The following CFAP221 variants were observed in gnomAD, a reference collection of about 807,000 sequenced individuals.
The protein encoded by CFAP221 is cilia and flagella associated protein 221.
In CFAP221, 97 loss-of-function variants were observed where a neutral mutation model predicts 113.1. The observed-to-expected ratio is 0.86, with a 90% CI of 0.73 to 1.02. The LOEUF (loss-of-function observed/expected upper bound fraction) is 1.02. Ranked by LOEUF, CFAP221 falls within the 50% of genes least tolerant of loss-of-function variation. The pLI is 0.00. For missense variants in CFAP221, 1,025 were observed against 1,013.4 expected (o/e 1.01, Z -0.16); for synonymous variants, 331 against 354.4 (o/e 0.93, Z 0.74).
At chr2:119,581,161 A>G (rs891878648) in intron 6 of CFAP221, among the ~76,000 whole-genome samples, 4 of 152,234 alleles carry the variant, frequency 2.6e-5, no homozygotes, top group Admixed American at 6.5e-5. Context: ...TGCAAATCCA[A>G]ATTCCAAAAC....
At chr2:119,579,789 G>T (rs1252647964) in intron 6 of CFAP221, among the ~76,000 whole-genome samples, 1 of 152,168 alleles carries the variant, frequency 6.6e-6, no homozygotes. Flanking sequence ...TGTAACAAAT[G>T]GGAAAAGCTC....
chr2:119,620,059 T>G (rs1027140606), intron 14 of CFAP221, among the ~76,000 whole-genome samples: 1 of 151,830 alleles, frequency 6.6e-6, no homozygotes, highest in Non-Finnish European at 1.5e-5. Context: ...TGAAAAGGAA[T>G]GAACAAAGCC....
chr2:119,649,282 G>A (rs543955684), intron 22 of CFAP221, among the ~76,000 whole-genome samples: 11 of 152,214 alleles, frequency 7.2e-5, no homozygotes, highest in African/African-American at 2.6e-4. Flanking sequence ...TACACTCCTC[G>A]ACTTATGATG....
At chr2:119,554,505 G>A (rs1016955739) in intron 3 of CFAP221, among the ~76,000 whole-genome samples, 2 of 152,120 alleles carry the variant, frequency 1.3e-5, no homozygotes, top group African/African-American at 2.4e-5. Flanking sequence ...AAAATTGTTA[G>A]CCTAAAAAGT....
chr2:119,642,837 A>T (rs1687574805), intron 21 of CFAP221, among the ~76,000 whole-genome samples: 1 of 150,124 alleles, frequency 6.7e-6, no homozygotes, highest in Non-Finnish European at 1.5e-5. Flanking sequence ...CACTGCACCC[A>T]GCTTCTCAGG....
chr2:119,625,744 G>T, intron 15 of CFAP221, 56 bp downstream of exon 15: 1 of 1,442,406 alleles, frequency 6.9e-7, no homozygotes, highest in South Asian at 1.2e-5. Context: ...CTCTGAGCGT[G>T]AACTTTCCTT....
intron 3 of CFAP221, among the ~76,000 whole-genome samples, chr2:119,552,172 T>C (rs1460355205): frequency 6.7e-6 from 1 of 149,458 alleles, no homozygotes. Flanking sequence ...TTTTTTTTTT[T>C]TTTTTTGCTT....
chr2:119,588,632 C>G (rs1683380268), intron 7 of CFAP221, among the ~76,000 whole-genome samples: 1 of 152,132 alleles, frequency 6.6e-6, no homozygotes, highest in Non-Finnish European at 1.5e-5. Flanking sequence ...TTATAAAATG[C>G]AGGGCCACAT....
At chr2:119,636,834 G>A (rs1221628958) in intron 19 of CFAP221, among the ~76,000 whole-genome samples, 2 of 152,090 alleles carry the variant, frequency 1.3e-5, no homozygotes, top group African/African-American at 4.8e-5. Context: ...AGTTACTCTG[G>A]GAGCAATGGG....
intron 19 of CFAP221, among the ~76,000 whole-genome samples, chr2:119,634,470 A>C (rs764402161): frequency 6.6e-6 from 1 of 152,204 alleles, no homozygotes; most frequent in Non-Finnish European, 1.5e-5. Flanking sequence ...GTGTTTCAAA[A>C]AATAAAGACA....
intron 21 of CFAP221, among the ~76,000 whole-genome samples, chr2:119,641,266 T>C (rs1487605396): frequency 6.6e-6 from 1 of 152,174 alleles, no homozygotes; most frequent in Non-Finnish European, 1.5e-5. Context: ...AAGATTAGCA[T>C]GCGGTAAACA....
Position 119,560,753 on chromosome 2 carries a change from A to G in CFAP221, c.426+727A>G, listed in dbSNP as rs1416585037. On this transcript the variant is annotated intron_variant, in intron 5 of 23. Transcript: ENST00000413369. ...AGGCAAATTTCCTACAATCTGCACA[A>G]TAAGGTGACTTGCCGTGAAAGCATT... is the stretch of plus-strand genomic sequence containing the variant. Among the ~76,000 whole-genome samples, 7 of 152,302 alleles carry G rather than the reference A, an allele frequency of 4.6e-5. 1 individual carries two copies. The South Asian group carries it at 1.4e-3, about 32-fold the overall frequency.
At position 119,591,435 on chromosome 2, in the gene CFAP221, G is replaced by A. The variant is rs1683586575; in HGVS notation, c.631+4213G>A. Reference sequence around the variant, plus strand: ...TTTACCTGGTGCTCAATATACCCTTGATGGGTGGCAGTGGTTGCACACAGC... The same window carrying A: ...TTTACCTGGTGCTCAATATACCCTTAATGGGTGGCAGTGGTTGCACACAGC... On this transcript the variant is annotated intron_variant, in intron 7 of 23. Transcript: ENST00000413369. Among the ~76,000 whole-genome samples, 4 of 152,302 alleles carry A rather than the reference G, an allele frequency of 2.6e-5. No individual in the cohort carries two copies. In the South Asian group the frequency reaches 8.3e-4, roughly 32 times the overall value.
rs150782076 is a variant in CFAP221 at position 119,580,611 on chromosome 2, A to C, written c.528-6508A>C. On this transcript the variant is annotated intron_variant, in intron 6 of 23. Transcript: ENST00000413369. ...AAGCAGTGTGCGCAAACTGCAATGA[A>C]CCTTTTTTGTGCAAAATTACTAGTT... The C allele has an allele frequency of 4.6e-5, 7 of 152,236 alleles. No individual in the cohort carries two copies. In the East Asian group the frequency reaches 1.4e-3, roughly 29 times the overall value. 9.4% of individuals were successfully genotyped at this position (152,236 alleles called of 1,614,324 possible).
At chr2:119,606,480 C>G (rs1403440011) in intron 11 of CFAP221, among the ~76,000 whole-genome samples, 1 of 152,112 alleles carries the variant, frequency 6.6e-6, no homozygotes, top group Non-Finnish European at 1.5e-5. Context: ...CATCAGAAAT[C>G]CCTTCTGTCT....
At chr2:119,604,407 C>T (rs552608711) in intron 8 of CFAP221, among the ~76,000 whole-genome samples, 1 of 151,738 alleles carries the variant, frequency 6.6e-6, no homozygotes, top group African/African-American at 2.4e-5. Context: ...GCATTCCAGC[C>T]TGGTGACAGA....
At chr2:119,655,739 A>G (rs1458914296) in intron 23 of CFAP221, among the ~76,000 whole-genome samples, 1 of 151,872 alleles carries the variant, frequency 6.6e-6, no homozygotes, top group Non-Finnish European at 1.5e-5. Context: ...CTGGCCCCTA[A>G]GAAGCCCAGG....
chr2:119,594,022 G>T (rs969140837), intron 7 of CFAP221, among the ~76,000 whole-genome samples: 3 of 152,174 alleles, frequency 2.0e-5, no homozygotes, highest in African/African-American at 7.2e-5. Context: ...TTCAACATGA[G>T]ATTTGCAGGG....
chr2:119,592,057 AT>A (rs1355709821), intron 7 of CFAP221, among the ~76,000 whole-genome samples: 1 of 152,226 alleles, frequency 6.6e-6, no homozygotes, highest in African/African-American at 2.4e-5. Context: ...TTGAAAAAAC[AT>A]TACCGAGAAT....
Sources: allele counts gnomAD v4.1 joint callset (sites outside exome capture counted in the v4.1 genomes callset), GRCh38; gene constraint gnomAD v4.1.1; transcripts MANE v1.5; gene names NCBI Gene and HGNC (gene_info 2026-07-23, HGNC 2026-07-21).